MVB12B: variants seen among roughly 807,000 people sequenced by gnomAD.
The protein encoded by MVB12B is multivesicular body subunit 12B, also known as ESCRT-I complex subunit MVB12B.
In MVB12B, 16 loss-of-function variants were observed where a neutral mutation model predicts 41.6. The observed-to-expected ratio is 0.38, with a 90% confidence interval of 0.26 to 0.58. The LOEUF (loss-of-function observed/expected upper bound fraction) is 0.58, where lower values mean the gene tolerates loss of function less well. Ranked by LOEUF, MVB12B falls within the 20% of genes least tolerant of loss-of-function variation. MVB12B has a pLI of 0.62. For synonymous variants in MVB12B, 133 were observed against 139.7 expected (o/e 0.95, Z 0.34); for missense variants, 274 against 380.2 (o/e 0.72, Z 2.32).
At chr9:126,339,092 G>A (rs1433812236) in intron 1 of MVB12B, among the ~76,000 whole-genome samples, 1 of 152,196 alleles carries the variant, frequency 6.6e-6, no homozygotes, top group Non-Finnish European at 1.5e-5. Flanking sequence ...GCTGTGCCAG[G>A]CACTTCCTAG....
At chr9:126,396,794 A>C (rs1831127123) in intron 6 of MVB12B, 1 of 985,364 alleles carries the variant, frequency 1.0e-6, no homozygotes, top group Non-Finnish European at 1.2e-6. Flanking sequence ...AAACTTTAGA[A>C]GTAGTTTTCA....
intron 7 of MVB12B, among the ~76,000 whole-genome samples, chr9:126,448,974 G>A (rs925485951): frequency 2.6e-5 from 4 of 152,208 alleles, no homozygotes; most frequent in Non-Finnish European, 4.4e-5. Context: ...TACTCCAGGG[G>A]CCCACACCAG....
chr9:126,474,044 G>A (rs148835105), intron 7 of MVB12B, among the ~76,000 whole-genome samples: 125 of 152,306 alleles, frequency 8.2e-4, no homozygotes, highest in African/African-American at 2.7e-3. Flanking sequence ...CCTGGGTGCC[G>A]TCTTTGGCTC....
chr9:126,504,678 C>T lies in MVB12B; in HGVS notation c.*1415C>T, dbSNP rs1834031012. On this transcript the variant is annotated 3_prime_UTR_variant, in exon 10 of 10. Transcript: ENST00000361171. ...ACCTCATGCCCCTGCACCAGCCCCT[C>T]CGTCTCCAGGCCCCAGGCCTCTTTG... 1 of 152,962 alleles carries T rather than the reference C, an allele frequency of 6.5e-6. No individual in the cohort carries two copies. Among genetic ancestry groups the T allele is most frequent in the Non-Finnish European group, 1.5e-5 (1 of 68,194 alleles). 9.5% of individuals were successfully genotyped at this position (152,962 alleles called of 1,614,324 possible).
intron 7 of MVB12B, among the ~76,000 whole-genome samples, chr9:126,452,660 T>C (rs1832907021): frequency 6.6e-6 from 1 of 152,016 alleles, no homozygotes; most frequent in South Asian, 2.1e-4. Context: ...AAGAAAGAGT[T>C]GTCAGAGCCC....
chr9:126,420,827 GCC>G (rs1174688514), intron 6 of MVB12B, among the ~76,000 whole-genome samples: 1 of 151,768 alleles, frequency 6.6e-6, no homozygotes, highest in Non-Finnish European at 1.5e-5. Context: ...ATAAGCGTGA[GCC>G]ACCGCGCCCG....
In MVB12B at chr9:126,460,123, C is replaced by T. The variant is rs962502861; in HGVS notation, c.758-21246C>T. Among the ~76,000 whole-genome samples, 5 of 152,118 alleles carry T rather than the reference C, an allele frequency of 3.3e-5. No individual in the cohort carries two copies. In the South Asian group the frequency reaches 6.2e-4, roughly 19 times the overall value. ...ATCAGTTGACTGTGTGCTCCCTGGC[C>T]GCTGGGCCTGCAACACTCTGCCCAG... On this transcript the variant is annotated intron_variant, in intron 7 of 9. Coordinates refer to ENST00000361171, the MANE Select transcript of MVB12B (RefSeq NM_033446.3).
intron 6 of MVB12B, among the ~76,000 whole-genome samples, chr9:126,409,352 G>A (rs544546161): frequency 7.1e-6 from 1 of 139,874 alleles, no homozygotes; most frequent in Non-Finnish European, 1.6e-5. Context: ...TGTGTCCCTT[G>A]GGCCTTCTTT....
At chr9:126,432,825 C>T (rs868782755) in intron 7 of MVB12B, among the ~76,000 whole-genome samples, 7 of 152,178 alleles carry the variant, frequency 4.6e-5, no homozygotes, top group South Asian at 2.1e-4. Flanking sequence ...GACCGTTTCC[C>T]TCCCCTCATC....
Position 126,484,011 on chromosome 9 carries a change from T to C in MVB12B, c.852T>C (p.Ser284=), listed in dbSNP as rs1564347674. The change falls in exon 9 of 10, where the codon TCT becomes TCC. Residue 284 remains serine (S), a synonymous_variant. Coordinates refer to ENST00000361171, the MANE Select transcript of MVB12B (RefSeq NM_033446.3). ...ATCTCCTGGGAATCACCATCAAATC[T>C]CTAGCAGAAATCGAAAAAGAGGTAA... The part of the protein sequence containing the change: ...PFDLLGITIK[S]LAEIEKEYEY... 2 of 1,613,982 alleles carry C rather than the reference T, an allele frequency of 1.2e-6. No homozygotes were observed. The highest frequency in any genetic ancestry group is 1.7e-6 in the Non-Finnish European group (2 of 1,180,012).
At chr9:126,329,595 G>A (rs1026596763) in intron 1 of MVB12B, among the ~76,000 whole-genome samples, 1 of 152,330 alleles carries the variant, frequency 6.6e-6, no homozygotes, top group Non-Finnish European at 1.5e-5. Context: ...CTTCTCCTGG[G>A]GGGATCAGAA....
At chr9:126,416,382 G>A (rs907484784) in intron 6 of MVB12B, among the ~76,000 whole-genome samples, 7 of 152,184 alleles carry the variant, frequency 4.6e-5, no homozygotes, top group Non-Finnish European at 7.4e-5. Context: ...CACATCCAGC[G>A]GACTCGGGGG....
intron 7 of MVB12B, among the ~76,000 whole-genome samples, chr9:126,463,531 C>T (rs145335835): frequency 2.6e-5 from 4 of 152,156 alleles, no homozygotes; most frequent in South Asian, 4.1e-4. Context: ...AGATTGCTGC[C>T]GACACTCTGT....
intron 7 of MVB12B, among the ~76,000 whole-genome samples, chr9:126,444,862 A>G (rs1184886631): frequency 6.6e-6 from 1 of 152,218 alleles, no homozygotes; most frequent in African/African-American, 2.4e-5. Context: ...TTTGGAAAAC[A>G]ATCCTATAAT....
At chr9:126,500,733 G>A (rs889091931) in intron 9 of MVB12B, among the ~76,000 whole-genome samples, 2 of 152,226 alleles carry the variant, frequency 1.3e-5, no homozygotes, top group Admixed American at 6.5e-5. Context: ...GTCTCCGCAG[G>A]CATGTGTGCC....
At chr9:126,415,387 T>G (rs989732825) in intron 6 of MVB12B, among the ~76,000 whole-genome samples, 1 of 151,490 alleles carries the variant, frequency 6.6e-6, no homozygotes, top group Non-Finnish European at 1.5e-5. Context: ...CAATAAAGAG[T>G]CTTCTAAAAT....
At chr9:126,413,978 T>C (rs1490612141) in intron 6 of MVB12B, among the ~76,000 whole-genome samples, 1 of 152,180 alleles carries the variant, frequency 6.6e-6, no homozygotes, top group Non-Finnish European at 1.5e-5. Flanking sequence ...TGCAGCTGCC[T>C]GGGCAGAACC....
intron 9 of MVB12B, among the ~76,000 whole-genome samples, chr9:126,488,379 A>G (rs1429608475): frequency 6.7e-6 from 1 of 148,330 alleles, no homozygotes; most frequent in Non-Finnish European, 1.5e-5. Context: ...AGTAAATACA[A>G]GTGGGAGACT....
intron 7 of MVB12B, among the ~76,000 whole-genome samples, chr9:126,431,758 T>C (rs1832338541): frequency 6.6e-6 from 1 of 152,166 alleles, no homozygotes; most frequent in African/African-American, 2.4e-5. Context: ...AACAGCTGGG[T>C]GCAGGCCCTG....
Sources: allele counts gnomAD v4.1 joint callset (sites outside exome capture counted in the v4.1 genomes callset), GRCh38; gene constraint gnomAD v4.1.1; transcripts MANE v1.5; gene names NCBI Gene and HGNC (gene_info 2026-07-23, HGNC 2026-07-21).